Variants in ANKRD30A observed in about 807,000 individuals in gnomAD.
ANKRD30A encodes ankyrin repeat domain 30A, also known as ankyrin repeat domain-containing protein 30A.
ANKRD30A carries 170 observed loss-of-function variants against 166.3 expected under a neutral mutation model. That is an observed-to-expected ratio of 1.02 (90% confidence interval 0.90 to 1.16). The LOEUF (loss-of-function observed/expected upper bound fraction) is 1.16. Among genes scored for constraint, ANKRD30A ranks in the 50% most tolerant of loss-of-function variants. The pLI is 0.00. For synonymous variants in ANKRD30A, 564 were observed against 508.9 expected (o/e 1.11, Z -1.46); for missense variants, 1,630 against 1,518.0 (o/e 1.07, Z -1.23).
chr10:37,179,834 A>G (rs1840064485), intron 24 of ANKRD30A, among the ~76,000 whole-genome samples: 1 of 98,752 alleles, frequency 1.0e-5, no homozygotes, highest in Admixed American at 1.0e-4. Context: ...TCTCCTTATC[A>G]GTCAGCATAT....
At chr10:37,222,922 A>G (rs779059481) in intron 34 of ANKRD30A, among the ~76,000 whole-genome samples, 9 of 151,476 alleles carry the variant, frequency 5.9e-5, no homozygotes, top group South Asian at 2.1e-4. Context: ...GCTACCTGTT[A>G]TTGTGTAAAT....
intron 6 of ANKRD30A, among the ~76,000 whole-genome samples, chr10:37,138,667 A>T (rs933340426): frequency 1.3e-5 from 2 of 152,166 alleles, no homozygotes; most frequent in East Asian, 3.9e-4. Context: ...TGAGAAGAGA[A>T]GTTTAGAGGA....
At chr10:37,258,424 A>G in the ANKRD30A span, among the ~76,000 whole-genome samples, 2 of 152,168 alleles carry the variant, frequency 1.3e-5, no homozygotes, top group East Asian at 3.9e-4. Context: ...TATTAGCAGA[A>G]GGACATACAA....
At chr10:37,236,515 C>G (rs1405499638), downstream of ANKRD30A, among the ~76,000 whole-genome samples, 1 of 152,188 alleles carries the variant, frequency 6.6e-6, no homozygotes, top group African/African-American at 2.4e-5. Flanking sequence ...CAAACAAGCA[C>G]ACTCAATGTG....
intron 28 of ANKRD30A, 30 bp downstream of exon 28, chr10:37,197,339 G>T (rs1841215434): frequency 6.2e-7 from 1 of 1,612,960 alleles, no homozygotes; most frequent in East Asian, 2.2e-5. Context: ...CATTTTGAAT[G>T]ACTTATTAAC....
chr10:37,144,191 G>A (rs1837349202), intron 7 of ANKRD30A, among the ~76,000 whole-genome samples: 1 of 152,112 alleles, frequency 6.6e-6, no homozygotes, highest in Non-Finnish European at 1.5e-5. Flanking sequence ...CACTTCAGAA[G>A]AATTTAGAAT....
chr10:37,252,503 G>T, the ANKRD30A span, among the ~76,000 whole-genome samples: 5 of 152,098 alleles, frequency 3.3e-5, no homozygotes, highest in Middle Eastern at 3.4e-3. Context: ...AACTATTTCC[G>T]ACCTATAGCT....
chr10:37,149,904 G>C lies in ANKRD30A; in HGVS notation c.1645+55G>C. 2.5e-6 allele frequency: 4 copies of C among 1,603,844 alleles called. No homozygotes were observed. In the South Asian group the frequency reaches 3.3e-5, roughly 13 times the overall value. On this transcript the variant is annotated intron_variant, in intron 11 of 35. Coordinates refer to ENST00000361713, the MANE Select transcript of ANKRD30A (RefSeq NM_052997.3). Reference sequence around the variant, plus strand: ...CGAATATTTCAATATTGGACATTTTGATGGTCTTTCTATCCCCAATGCTTT... The same window carrying C: ...CGAATATTTCAATATTGGACATTTTCATGGTCTTTCTATCCCCAATGCTTT...
intron 27 of ANKRD30A, among the ~76,000 whole-genome samples, chr10:37,195,677 T>G (rs537009385): frequency 2.6e-4 from 40 of 152,246 alleles, no homozygotes; most frequent in East Asian, 5.8e-4. Flanking sequence ...GACAGATCAC[T>G]AGGTGAGGAG....
At chr10:37,147,832 A>G (rs564286963) in intron 9 of ANKRD30A, among the ~76,000 whole-genome samples, 1 of 151,122 alleles carries the variant, frequency 6.6e-6, no homozygotes, top group African/African-American at 2.4e-5. Flanking sequence ...TTTTTAGAAA[A>G]GATAGACCAT....
At chr10:37,251,387 A>G in the ANKRD30A span, among the ~76,000 whole-genome samples, 7 of 152,170 alleles carry the variant, frequency 4.6e-5, no homozygotes, top group African/African-American at 1.7e-4. Flanking sequence ...CATGGCACCA[A>G]TTCGAAATTT....
chr10:37,232,648 T>C (rs1223057916), downstream of ANKRD30A: 1 of 43,838 alleles, frequency 2.3e-5, no homozygotes, highest in Admixed American at 3.1e-4. Flanking sequence ...AATTGAAGCA[T>C]TGGTTTTATA....
the ANKRD30A span, among the ~76,000 whole-genome samples, chr10:37,240,380 C>T: frequency 6.6e-6 from 1 of 152,132 alleles, no homozygotes; most frequent in Non-Finnish European, 1.5e-5. Context: ...ACCCAAGACT[C>T]ATCTTGTAAT....
chr10:37,219,357 A>C lies in ANKRD30A; in HGVS notation c.3645A>C (p.Ser1215=), dbSNP rs190189553. The C allele has an allele frequency of 6.2e-7, 1 of 1,610,512 alleles. No individual in the cohort carries two copies. The change falls in exon 34 of 36, where the codon TCA becomes TCC. Residue 1215 remains serine, a synonymous_variant. Transcript: ENST00000361713. ...AVQDHDQIVT[S]RKSQEPAFHI... is the part of the protein sequence containing the mutation. The stretch of plus-strand genomic sequence containing the variant: ...AAGACCATGATCAAATTGTGACATC[A>C]AGAAAAAGTCAAGAACCTGCTTTCC...
chr10:37,207,211 A>T (rs1033153107), intron 31 of ANKRD30A, among the ~76,000 whole-genome samples: 18 of 152,168 alleles, frequency 1.2e-4, no homozygotes, highest in African/African-American at 4.3e-4. Context: ...CGTTGATGAG[A>T]CATCAATTTT....
At chr10:37,225,040 G>A (rs1243672882) in intron 34 of ANKRD30A, among the ~76,000 whole-genome samples, 4 of 151,028 alleles carry the variant, frequency 2.6e-5, no homozygotes, top group East Asian at 2.0e-4. Flanking sequence ...TTAATAATAC[G>A]CTAGTGTTTT....
chr10:37,206,884 T>G (rs1842023628), intron 31 of ANKRD30A, among the ~76,000 whole-genome samples: 1 of 152,158 alleles, frequency 6.6e-6, no homozygotes, highest in Admixed American at 6.6e-5. Flanking sequence ...AATGCTAAAT[T>G]TATTACTTGA....
At chr10:37,192,543 C>G (rs1436036625) in intron 25 of ANKRD30A, among the ~76,000 whole-genome samples, 2 of 152,044 alleles carry the variant, frequency 1.3e-5, no homozygotes, top group East Asian at 3.9e-4. Flanking sequence ...ATGATAAGTA[C>G]ATTTGTACCT....
chr10:37,162,947 G>T, intron 17 of ANKRD30A, 99 bp downstream of exon 17: 3 of 1,433,342 alleles, frequency 2.1e-6, no homozygotes, highest in Non-Finnish European at 2.9e-6. Context: ...CAACTTTGAT[G>T]AAAAGATTTG....
Sources: gnomAD v4.1 joint callset for allele counts (sites outside exome capture counted in the v4.1 genomes callset) on GRCh38, gnomAD v4.1.1 for gene constraint, MANE v1.5 for transcripts, NCBI Gene and HGNC (gene_info 2026-07-23, HGNC 2026-07-21) for gene names.